Variants in CTNND2 observed in about 807,000 individuals in gnomAD.
CTNND2 encodes the protein catenin delta-2.
Under a neutral mutation model 144.4 loss-of-function variants are expected in CTNND2, and 22 were observed. The observed-to-expected ratio is 0.15, with a 90% CI of 0.11 to 0.22. The LOEUF is 0.22. Ranked by LOEUF, CTNND2 falls within the 10% of genes least tolerant of loss-of-function variation. The pLI is 1.00. For synonymous variants in CTNND2, 751 were observed against 695.6 expected, an observed-to-expected ratio of 1.08 and a Z score of -1.25; for missense variants, 1,353 against 1,618.8, an observed-to-expected ratio of 0.84 and a Z score of 2.82.
At position 11,898,517 on chromosome 5, in the gene CTNND2, A is replaced by G. The variant is rs571016317; in HGVS notation, c.37+5300T>C. ...TTACTAATACACTTCTCTGGCCTTT[A>G]CCTAGGCAAGAGAAGTGTATTTTCT... On this transcript the variant is annotated intron_variant, in intron 1 of 21. Transcript: ENST00000304623. 6.5e-4 allele frequency among the ~76,000 whole-genome samples: 99 copies of G among 152,144 alleles called. 1 individual carries two copies. Among genetic ancestry groups the G allele is most frequent in the Non-Finnish European group, 1.3e-3 (86 of 68,024 alleles).
At chr5:11,424,478 TAC>T (rs75197667) in intron 3 of CTNND2, among the ~76,000 whole-genome samples, 1 of 151,852 alleles carries the variant, frequency 6.6e-6, no homozygotes, top group African/African-American at 2.4e-5. Context: ...CACATACACA[TAC>T]ACACACATCA....
chr5:10,981,530 G>A (rs1393410349), intron 21 of CTNND2, among the ~76,000 whole-genome samples: 2 of 152,060 alleles, frequency 1.3e-5, no homozygotes, highest in Non-Finnish European at 1.5e-5. Context: ...TTCTGCACCA[G>A]ATCAAGCATG....
At chr5:11,335,106 C>T (rs1753606995) in intron 9 of CTNND2, among the ~76,000 whole-genome samples, 1 of 152,154 alleles carries the variant, frequency 6.6e-6, no homozygotes, top group Admixed American at 6.5e-5. Flanking sequence ...ACACTTGGTT[C>T]AGCAACCCAG....
rs1771862638 is a variant in CTNND2, at chr5:11,513,653, T to C, written c.287+51291A>G. Among the ~76,000 whole-genome samples the C allele has an allele frequency of 2.6e-5, 4 of 152,174 alleles. No individual in the cohort carries two copies. In the South Asian group the frequency reaches 8.3e-4, roughly 32 times the overall value. On this transcript the variant is annotated intron_variant, in intron 3 of 21. Coordinates refer to ENST00000304623, the MANE Select transcript of CTNND2 (RefSeq NM_001332.4). ...TATGTATTGATGACTTAAATATCTT[T>C]TTGAATTTGATTTTCTAGCAATTCA...
chr5:10,987,159 C>A (rs547231291), intron 20 of CTNND2, among the ~76,000 whole-genome samples: 1 of 152,354 alleles, frequency 6.6e-6, no homozygotes, highest in Non-Finnish European at 1.5e-5. Context: ...GCTCCGGCAG[C>A]TTTGCTTTTA....
At chr5:11,225,192 C>T (rs1258522816) in intron 10 of CTNND2, among the ~76,000 whole-genome samples, 2 of 152,172 alleles carry the variant, frequency 1.3e-5, no homozygotes, top group East Asian at 1.9e-4. Flanking sequence ...AGTATTGCAA[C>T]CCCTGAACAG....
intron 3 of CTNND2, among the ~76,000 whole-genome samples, chr5:11,446,906 T>C (rs1007612772): frequency 5.3e-5 from 8 of 152,106 alleles, no homozygotes; most frequent in African/African-American, 1.9e-4. Flanking sequence ...CAGCTTACAG[T>C]AGTGCCAACT....
chr5:11,346,294 A>C, intron 9 of CTNND2, 78 bp downstream of exon 9: 2 of 1,279,730 alleles, frequency 1.6e-6, no homozygotes, highest in Non-Finnish European at 2.0e-6. Context: ...TAAATGCAAC[A>C]TGACGTGAAA....
intron 8 of CTNND2, among the ~76,000 whole-genome samples, chr5:11,356,964 T>C (rs954648447): frequency 1.3e-5 from 2 of 152,034 alleles, no homozygotes; most frequent in Admixed American, 1.3e-4. Context: ...GAAATGTGAA[T>C]CAAAACCACA....
chr5:11,185,268 T>C (rs1272526640), intron 11 of CTNND2, among the ~76,000 whole-genome samples: 2 of 152,360 alleles, frequency 1.3e-5, no homozygotes, highest in East Asian at 1.9e-4. Context: ...GCTTTTCTTA[T>C]AGAACAGTTC....
At chr5:11,543,037 A>T (rs1186355008) in intron 3 of CTNND2, among the ~76,000 whole-genome samples, 3 of 152,240 alleles carry the variant, frequency 2.0e-5, no homozygotes, top group Non-Finnish European at 4.4e-5. Context: ...CTGCTCCAGG[A>T]ACAACAAACG....
At chr5:11,737,633 G>C (rs1486693364) in intron 1 of CTNND2, among the ~76,000 whole-genome samples, 1 of 152,134 alleles carries the variant, frequency 6.6e-6, no homozygotes, top group East Asian at 1.9e-4. Flanking sequence ...GCAGTGTTAC[G>C]GACAGAACTG....
intron 12 of CTNND2, among the ~76,000 whole-genome samples, chr5:11,141,247 C>T (rs1181402002): frequency 6.6e-6 from 1 of 152,154 alleles, no homozygotes; most frequent in Non-Finnish European, 1.5e-5. Flanking sequence ...GGACATCATG[C>T]CCAGCTGTTT....
chr5:11,426,100 A>C (rs1167590310), intron 3 of CTNND2, among the ~76,000 whole-genome samples: 1 of 152,020 alleles, frequency 6.6e-6, no homozygotes, highest in African/African-American at 2.4e-5. Context: ...TTGGCTATAA[A>C]TTCCCACTTT....
At chr5:11,791,264 T>C (rs1050802071) in intron 1 of CTNND2, among the ~76,000 whole-genome samples, 1 of 152,302 alleles carries the variant, frequency 6.6e-6, no homozygotes, top group East Asian at 1.9e-4. Context: ...TCATACTTTG[T>C]TACAGCAGCC....
chr5:11,579,947 C>G (rs1469282194), intron 2 of CTNND2, among the ~76,000 whole-genome samples: 1 of 152,166 alleles, frequency 6.6e-6, no homozygotes, highest in Non-Finnish European at 1.5e-5. Context: ...TTTTCCCAAA[C>G]AATTTTCCCT....
intron 1 of CTNND2, among the ~76,000 whole-genome samples, chr5:11,803,161 A>T (rs1472401365): frequency 6.6e-6 from 1 of 152,106 alleles, no homozygotes; most frequent in African/African-American, 2.4e-5. Context: ...CTCTACTAAA[A>T]ATACAAAAAT....
intron 10 of CTNND2, among the ~76,000 whole-genome samples, chr5:11,222,343 G>A (rs1023957774): frequency 6.6e-6 from 1 of 152,216 alleles, no homozygotes; most frequent in African/African-American, 2.4e-5. Flanking sequence ...CCCAGTTTCA[G>A]AGACTGCTGT....
chr5:11,467,147 C>T (rs537457841), intron 3 of CTNND2, among the ~76,000 whole-genome samples: 1 of 152,356 alleles, frequency 6.6e-6, no homozygotes, highest in South Asian at 2.1e-4. Flanking sequence ...AGATCCATAG[C>T]GTGGCCCTGG....
Sources: gnomAD v4.1 joint callset for allele counts (sites outside exome capture counted in the v4.1 genomes callset) on GRCh38, gnomAD v4.1.1 for gene constraint, MANE v1.5 for transcripts, NCBI Gene and HGNC (gene_info 2026-07-23, HGNC 2026-07-21) for gene names.